The following LHFPL2 variants were observed in gnomAD, a reference collection of about 807,000 sequenced individuals.
The protein encoded by LHFPL2 is LHFPL tetraspan subfamily member 2.
A neutral mutation model predicts 17.5 loss-of-function variants in LHFPL2; 7 were observed. That is an observed-to-expected ratio of 0.40 (90% CI 0.23 to 0.75). The LOEUF is 0.75. Among genes scored for constraint, LHFPL2 ranks in the 30% least tolerant of loss-of-function variants. LHFPL2 has a pLI of 0.37. For synonymous variants in LHFPL2, 134 were observed against 116.2 expected, an observed-to-expected ratio of 1.15 and a Z score of -0.99; for missense variants, 241 against 294.8, an observed-to-expected ratio of 0.82 and a Z score of 1.34.
chr5:78,581,160 G>C (rs1201951510), intron 2 of LHFPL2, among the ~76,000 whole-genome samples: 1 of 152,130 alleles, frequency 6.6e-6, no homozygotes, highest in Non-Finnish European at 1.5e-5. Context: ...TCTGTTGTTG[G>C]TGTATAAGAA....
intron 2 of LHFPL2, among the ~76,000 whole-genome samples, chr5:78,588,760 C>A (rs1743523854): frequency 6.6e-6 from 1 of 152,158 alleles, no homozygotes; most frequent in Non-Finnish European, 1.5e-5. Flanking sequence ...ATAACAGTCC[C>A]TGACACTGTT....
chr5:78,604,491 CA>C (rs1561361286), intron 2 of LHFPL2, among the ~76,000 whole-genome samples: 1 of 151,676 alleles, frequency 6.6e-6, no homozygotes. Flanking sequence ...TCTCAAAAAA[CA>C]AAAAAAGAAG....
chr5:78,596,088 G>T (rs1368763453), intron 2 of LHFPL2, among the ~76,000 whole-genome samples: 3 of 152,134 alleles, frequency 2.0e-5, no homozygotes, highest in Non-Finnish European at 2.9e-5. Context: ...CTCTGCAGCT[G>T]TTCTAGACCG....
intron 3 of LHFPL2, among the ~76,000 whole-genome samples, chr5:78,518,702 G>A (rs11742387): frequency 0.29 from 43,814 of 152,080 alleles, 6,545 homozygotes; most frequent in East Asian, 0.47. Flanking sequence ...AGTGTTCCTC[G>A]CTGCAGCCTA....
Position 78,488,790 on chromosome 5 carries a change from C to T in LHFPL2, c.*107G>A, listed in dbSNP as rs1029532816. On this transcript the variant is annotated 3_prime_UTR_variant, in exon 5 of 5. Transcript: ENST00000380345. ...CCTGTTTAAGCCTCGGGCCGTGGAA[C>T]GTGGCTTTGGTAGGTAAAGGTTAGT... is the stretch of plus-strand genomic sequence containing the variant. 117 of 1,317,996 alleles carry T rather than the reference C, an allele frequency of 8.9e-5. No homozygotes were observed. Among genetic ancestry groups the T allele is most frequent in the East Asian group, 8.5e-4 (37 of 43,418 alleles). 81.6% of individuals were successfully genotyped at this position (1,317,996 alleles called of 1,614,324 possible).
chr5:78,544,351 G>C (rs1008159458), intron 3 of LHFPL2, among the ~76,000 whole-genome samples: 4 of 152,178 alleles, frequency 2.6e-5, no homozygotes, highest in Non-Finnish European at 4.4e-5. Flanking sequence ...GGGTAAAGCA[G>C]AGCTCAGGTC....
chr5:78,588,980 T>C (rs548019675), intron 2 of LHFPL2, among the ~76,000 whole-genome samples: 5 of 152,266 alleles, frequency 3.3e-5, no homozygotes, highest in Non-Finnish European at 5.9e-5. Context: ...TTGTTACATA[T>C]CTCATTTAAT....
rs1250250214 is a variant in LHFPL2 at position 78,487,112 on chromosome 5, C to T, written c.*1785G>A. 1.3e-5 allele frequency: 2 copies of T among 152,274 alleles called. No homozygotes were observed. The highest frequency in any genetic ancestry group is 4.8e-5 in the African/African-American group (2 of 41,550). 9.4% of individuals were successfully genotyped at this position (152,274 alleles called of 1,614,324 possible). The stretch of plus-strand genomic sequence containing the variant: ...AATCACAGGATTTACATCTCACTCA[C>T]TTTGAATTTTGGTTCAGGAATGGGA... On this transcript the variant is annotated 3_prime_UTR_variant, in exon 5 of 5. Coordinates refer to ENST00000380345, the MANE Select transcript of LHFPL2 (RefSeq NM_005779.3).
chr5:78,626,745 C>G (rs544869891), intron 2 of LHFPL2: 1 of 152,218 alleles, frequency 6.6e-6, no homozygotes, highest in South Asian at 2.1e-4. Context: ...TTCATGAGCA[C>G]AACTCAAGAG....
chr5:78,527,833 A>ACATG (rs1412930391), intron 3 of LHFPL2, among the ~76,000 whole-genome samples: 1 of 152,254 alleles, frequency 6.6e-6, no homozygotes, highest in Non-Finnish European at 1.5e-5. Flanking sequence ...TTATTCAGAT[A>ACATG]CATGGCATTT....
chr5:78,526,310 C>T (rs141198333), intron 3 of LHFPL2, among the ~76,000 whole-genome samples: 4 of 152,250 alleles, frequency 2.6e-5, no homozygotes, highest in African/African-American at 7.2e-5. Flanking sequence ...TGACTTTTTC[C>T]GGTAGCTGAA....
chr5:78,606,879 G>C (rs987613195), intron 2 of LHFPL2, among the ~76,000 whole-genome samples: 1 of 151,968 alleles, frequency 6.6e-6, no homozygotes, highest in African/African-American at 2.4e-5. Flanking sequence ...GTTTCACCAT[G>C]TTGGCCAGGC....
At chr5:78,615,814 A>G (rs1429238525) in intron 2 of LHFPL2, among the ~76,000 whole-genome samples, 3 of 152,182 alleles carry the variant, frequency 2.0e-5, no homozygotes, top group Non-Finnish European at 2.9e-5. Context: ...ATACACAAAA[A>G]ATACAACACC....
intron 3 of LHFPL2, among the ~76,000 whole-genome samples, chr5:78,562,069 C>T (rs1166051405): frequency 2.0e-5 from 3 of 152,310 alleles, no homozygotes; most frequent in Non-Finnish European, 4.4e-5. Flanking sequence ...CAGAGCAACC[C>T]CTCAGACTCC....
intron 3 of LHFPL2, among the ~76,000 whole-genome samples, chr5:78,562,939 A>G (rs1031881200): frequency 1.3e-5 from 2 of 152,164 alleles, no homozygotes; most frequent in Non-Finnish European, 2.9e-5. Context: ...ACAACCCACA[A>G]AGGGGGGACT....
Position 78,510,207 on chromosome 5 carries a change from G to T in LHFPL2, c.7C>A (p.His3Asn). Reference sequence around the variant, plus strand: ...ATCGAGCGACAGGTGACAATGACATGACACATATTGATGTTCCGGGCGAAG... The same window carrying T: ...ATCGAGCGACAGGTGACAATGACATTACACATATTGATGTTCCGGGCGAAG... MC[H>N]VIVTCRSMLW... is the part of the protein sequence containing the mutation. Residue 3 changes from histidine (H) to asparagine (N), a missense_variant, in exon 4 of 5, where the codon CAT becomes AAT. His to Asn is a moderately conservative substitution (Grantham distance 68). Transcript: ENST00000380345. The T allele has an allele frequency of 1.9e-6, 3 of 1,586,052 alleles. No homozygotes were observed. The South Asian group carries it at 3.4e-5, about 18-fold the overall frequency.
intron 1 of LHFPL2, among the ~76,000 whole-genome samples, chr5:78,636,043 G>T (rs575700818): frequency 6.6e-6 from 1 of 151,636 alleles, no homozygotes; most frequent in African/African-American, 2.4e-5. Context: ...CCAATTAAAT[G>T]AATGGGAACA....
intron 2 of LHFPL2, among the ~76,000 whole-genome samples, chr5:78,579,197 A>G (rs998126018): frequency 2.0e-5 from 3 of 152,200 alleles, no homozygotes; most frequent in Non-Finnish European, 4.4e-5. Context: ...TGATTTTGCT[A>G]TTGTTAAAGT....
intron 3 of LHFPL2, among the ~76,000 whole-genome samples, chr5:78,525,221 G>A (rs150230323): frequency 9.8e-5 from 15 of 152,338 alleles, no homozygotes; most frequent in African/African-American, 3.4e-4. Context: ...TGAGATGAGC[G>A]TCAAATGCTG....
Sources: allele counts gnomAD v4.1 joint callset (sites outside exome capture counted in the v4.1 genomes callset), GRCh38; gene constraint gnomAD v4.1.1; transcripts MANE v1.5; gene names NCBI Gene and HGNC (gene_info 2026-07-23, HGNC 2026-07-21).